Variants in SFT2D2 observed in about 807,000 individuals in gnomAD.
SFT2D2 encodes SFT2 domain containing 2, also known as vesicle transport protein SFT2B.
SFT2D2 carries 21 observed loss-of-function variants against 27.4 expected under a neutral mutation model. The ratio of observed to expected loss-of-function variants is 0.77; its 90% CI spans 0.54 to 1.10. The LOEUF (loss-of-function observed/expected upper bound fraction) is 1.10. Ranked by LOEUF, SFT2D2 falls within the 50% of genes least tolerant of loss-of-function variation. The pLI is 0.00. For missense variants in SFT2D2, 187 were observed against 194.2 expected (o/e 0.96, Z 0.22); for synonymous variants, 72 against 71.7 (o/e 1.00, Z -0.02).
At chr1:168,238,243 AT>A (rs1238689161) in intron 6 of SFT2D2, among the ~76,000 whole-genome samples, 1 of 152,088 alleles carries the variant, frequency 6.6e-6, no homozygotes, top group East Asian at 1.9e-4. Context: ...AGTTGGTAGC[AT>A]TTTTTTCTTC....
Position 168,249,873 on chromosome 1 carries a change from C to G in SFT2D2, c.*7333C>G, listed in dbSNP as rs553333818. 4 of 152,246 alleles carry G rather than the reference C, an allele frequency of 2.6e-5. No homozygotes were observed. The East Asian group carries it at 7.7e-4, about 29-fold the overall frequency. 9.4% of individuals were successfully genotyped at this position (152,246 alleles called of 1,614,324 possible). A position where few individuals can be genotyped will look rare whatever the true frequency, so the allele number is the denominator to read the frequency against. On this transcript the variant is annotated 3_prime_UTR_variant, in exon 8 of 8. Coordinates refer to ENST00000271375, the MANE Select transcript of SFT2D2 (RefSeq NM_199344.3). Reference sequence around the variant, plus strand: ...GTTATTTAATCCCAGAAATAACTGACAACTTTGGAAGATGAGAGTGAATGT... The same window carrying G: ...GTTATTTAATCCCAGAAATAACTGAGAACTTTGGAAGATGAGAGTGAATGT...
chr1:168,229,060 C>T (rs560146500), intron 1 of SFT2D2, among the ~76,000 whole-genome samples: 11 of 152,282 alleles, frequency 7.2e-5, no homozygotes, highest in African/African-American at 2.4e-4. Context: ...GTGAAATATG[C>T]CCCCCACCCC....
intron 7 of SFT2D2, among the ~76,000 whole-genome samples, chr1:168,241,747 A>G (rs909951488): frequency 6.6e-6 from 1 of 152,204 alleles, no homozygotes; most frequent in Non-Finnish European, 1.5e-5. Context: ...TACAGTGCAG[A>G]GTATATCTCA....
chr1:168,226,818 G>A (rs1700465669), intron 1 of SFT2D2, among the ~76,000 whole-genome samples: 6 of 151,994 alleles, frequency 3.9e-5, no homozygotes, highest in Admixed American at 3.9e-4. Flanking sequence ...TATTAGAAAA[G>A]CTTTTTTTTC....
chr1:168,237,841 ATGTG>A (rs34517084), intron 6 of SFT2D2, among the ~76,000 whole-genome samples: 23 of 148,028 alleles, frequency 1.6e-4, no homozygotes, highest in Admixed American at 8.0e-4. Flanking sequence ...GTTTGTGTTT[ATGTG>A]TGTGTGTGTG....
intron 7 of SFT2D2, 87 bp downstream of exon 7, chr1:168,239,247 T>C (rs764986217): frequency 2.9e-4 from 307 of 1,056,262 alleles, no homozygotes; most frequent in Non-Finnish European, 4.1e-4. Flanking sequence ...TATTTATCTT[T>C]ACTGAAGTCT....
At chr1:168,241,205 CTTTTTTTTT>C (rs11387591) in intron 7 of SFT2D2, among the ~76,000 whole-genome samples, 1 of 100,156 alleles carries the variant, frequency 1.0e-5, no homozygotes, top group Non-Finnish European at 1.9e-5. Flanking sequence ...CCCTTCTATT[CTTTTTTTTT>C]TTTTTTTTTT....
intron 1 of SFT2D2, among the ~76,000 whole-genome samples, chr1:168,227,900 G>A (rs1265843439): frequency 1.3e-5 from 2 of 152,310 alleles, no homozygotes; most frequent in East Asian, 3.9e-4. Context: ...CTCAACAGTG[G>A]ACGACTAGTA....
At chr1:168,226,301 C>T (rs1197338481) in intron 1 of SFT2D2, among the ~76,000 whole-genome samples, 159 bp downstream of exon 1, 1 of 152,164 alleles carries the variant, frequency 6.6e-6, no homozygotes, top group Non-Finnish European at 1.5e-5. Context: ...AGAGGTCTGG[C>T]ACTACACGGG....
chr1:168,231,116 G>A (rs778952288), intron 1 of SFT2D2, among the ~76,000 whole-genome samples: 1 of 152,174 alleles, frequency 6.6e-6, no homozygotes. Flanking sequence ...GCCTGGTGGA[G>A]GATCCCAGGT....
At position 168,246,464 on chromosome 1, in the gene SFT2D2, CA is replaced by C; in HGVS notation, c.*3929del. 1 of 1,331,400 alleles carries C rather than the reference CA, an allele frequency of 7.5e-7. No homozygotes were observed. The highest frequency in any genetic ancestry group is 1.0e-6 in the Non-Finnish European group (1 of 986,178). 82.5% of individuals were successfully genotyped at this position (1,331,400 alleles called of 1,614,324 possible). ...TGGTTTAGCTCTCTTTGTATGTGTT[CA>C]AAAACCAAAGCGTTTTCTTTCAGAG... On this transcript the variant is annotated 3_prime_UTR_variant, in exon 8 of 8. Coordinates refer to ENST00000271375, the MANE Select transcript of SFT2D2 (RefSeq NM_199344.3).
rs1647978343 is a variant in SFT2D2, at chr1:168,252,835, A to T, written c.*10295A>T. ...ACTGATTGTGTAACTGAATTTTTGT[A>T]TCCAAAAATACATTCTTGAGTACTA... On this transcript the variant is annotated 3_prime_UTR_variant, in exon 8 of 8. Transcript: ENST00000271375. 6.6e-6 allele frequency: 1 copy of T among 152,246 alleles called. No homozygotes were observed. Among genetic ancestry groups the T allele is most frequent in the African/African-American group, 2.4e-5 (1 of 41,478 alleles). 9.4% of individuals were successfully genotyped at this position (152,246 alleles called of 1,614,324 possible). A position where few individuals can be genotyped will look rare whatever the true frequency, so the allele number is the denominator to read the frequency against.
rs1370035581 is a variant in SFT2D2, at chr1:168,245,105, T to G, written c.*2565T>G. On this transcript the variant is annotated 3_prime_UTR_variant, in exon 8 of 8. Transcript: ENST00000271375. ...ACTGCAATCATGTTTTAATTGGGAG[T>G]AGGGGGAAAGAGGGAGGGAAGGAGA... is the stretch of plus-strand genomic sequence containing the variant. 6.6e-6 allele frequency: 1 copy of G among 151,662 alleles called. No homozygotes were observed. The highest frequency in any genetic ancestry group is 1.5e-5 in the Non-Finnish European group (1 of 67,960). The allele number at this position is 151,662 out of a possible 1,614,324, so 9.4% of individuals were successfully genotyped here. A position where few individuals can be genotyped will look rare whatever the true frequency, so the allele number is the denominator to read the frequency against.
intron 1 of SFT2D2, 39 bp from the exon 2 acceptor site, chr1:168,231,475 A>C (rs976735149): frequency 6.6e-7 from 1 of 1,521,074 alleles, no homozygotes; most frequent in African/African-American, 1.4e-5. Flanking sequence ...GTTTTTAGTA[A>C]ATGTGTGTGT....
At chr1:168,227,008 C>T (rs575113435) in intron 1 of SFT2D2, among the ~76,000 whole-genome samples, 3 of 152,016 alleles carry the variant, frequency 2.0e-5, no homozygotes, top group South Asian at 2.1e-4. Context: ...TTACTAGAGA[C>T]GAGGTTTCAC....
intron 4 of SFT2D2, among the ~76,000 whole-genome samples, chr1:168,236,325 G>T (rs1647496797): frequency 1.3e-5 from 2 of 152,224 alleles, no homozygotes; most frequent in African/African-American, 2.4e-5. Flanking sequence ...GAATGGGTGG[G>T]CCTGAAATGT....
intron 4 of SFT2D2, 86 bp downstream of exon 4, chr1:168,235,268 C>G: frequency 7.7e-7 from 1 of 1,302,064 alleles, no homozygotes; most frequent in Admixed American, 1.7e-5. Flanking sequence ...ATCTAAAGAC[C>G]TCTTCTCTTT....
In SFT2D2 at chr1:168,239,167, C is replaced by CT. The variant is rs1244577348; in HGVS notation, c.443+8dup. On this transcript the variant is annotated splice_region_variant and intron_variant, in intron 7 of 7. Transcript: ENST00000271375. Reference sequence around the variant, plus strand: ...CCTTCATACCATTTGCAAGGTAAGACTGTGTATTTGGAAATAATGATTTCT... The same window carrying CT: ...CCTTCATACCATTTGCAAGGTAAGACTTGTGTATTTGGAAATAATGATTTCT... 2 of 1,596,064 alleles carry CT rather than the reference C, an allele frequency of 1.3e-6. No homozygotes were observed. The highest frequency in any genetic ancestry group is 1.7e-4 in the Middle Eastern group (1 of 6,000).
At chr1:168,241,318 C>T (rs527839858) in intron 7 of SFT2D2, among the ~76,000 whole-genome samples, 1 of 145,324 alleles carries the variant, frequency 6.9e-6, no homozygotes, top group Non-Finnish European at 1.5e-5. Context: ...AAGCTGTTCT[C>T]CTGCCTCAGC....
Sources: allele counts gnomAD v4.1 joint callset (sites outside exome capture counted in the v4.1 genomes callset), GRCh38; gene constraint gnomAD v4.1.1; transcripts MANE v1.5; gene names NCBI Gene and HGNC (gene_info 2026-07-23, HGNC 2026-07-21).